COLEC10: variants seen among roughly 807,000 people sequenced by gnomAD.
COLEC10 encodes the protein collectin subfamily member 10, also known as collectin-10.
In COLEC10, 22 loss-of-function variants were observed where a neutral mutation model predicts 28.4. The ratio of observed to expected loss-of-function variants is 0.78; its 90% CI spans 0.55 to 1.11. The LOEUF (loss-of-function observed/expected upper bound fraction) is 1.11, where lower values mean the gene tolerates loss of function less well. COLEC10 is among the 50% of genes least tolerant of loss of function. The pLI is 0.00. For synonymous variants in COLEC10, 125 were observed against 116.1 expected (o/e 1.08, Z -0.49); for missense variants, 361 against 344.1 (o/e 1.05, Z -0.39).
chr8:119,083,296 T>C (rs1815403436), intron 1 of COLEC10, among the ~76,000 whole-genome samples: 1 of 152,212 alleles, frequency 6.6e-6, no homozygotes. Flanking sequence ...AATGATAGTC[T>C]ATCCTCTCTG....
At chr8:119,004,734 T>C (rs992397588) in intron 1 of COLEC10, among the ~76,000 whole-genome samples, 11 of 151,938 alleles carry the variant, frequency 7.2e-5, no homozygotes, top group Admixed American at 5.3e-4. Flanking sequence ...TGTTTCTAAC[T>C]TGTAGTAGGT....
chr8:119,079,760 C>T (rs1485293), intron 1 of COLEC10, among the ~76,000 whole-genome samples: 94,516 of 151,568 alleles, frequency 0.62, 29,938 homozygotes, highest in Middle Eastern at 0.74. Flanking sequence ...CTTGAAATCC[C>T]CAGTTGTTTT....
chr8:119,092,194 C>G (rs62532199), intron 3 of COLEC10, among the ~76,000 whole-genome samples: 1 of 151,350 alleles, frequency 6.6e-6, no homozygotes, highest in African/African-American at 2.4e-5. Context: ...ATCAGCCACC[C>G]GAGTAGCTGG....
chr8:119,010,016 A>T (rs1813876820), intron 2 of COLEC10, among the ~76,000 whole-genome samples: 1 of 150,858 alleles, frequency 6.6e-6, no homozygotes, highest in African/African-American at 2.5e-5. Context: ...TTGACACATC[A>T]TTATTACCCA....
intron 2 of COLEC10, among the ~76,000 whole-genome samples, chr8:119,044,853 A>G (rs1454874157): frequency 6.6e-6 from 1 of 152,074 alleles, no homozygotes; most frequent in Admixed American, 6.5e-5. Context: ...CAAAAAAAAA[A>G]AAAAGAAACC....
At chr8:119,000,077 C>T (rs1436918800) in intron 1 of COLEC10, among the ~76,000 whole-genome samples, 1 of 152,040 alleles carries the variant, frequency 6.6e-6, no homozygotes, top group Non-Finnish European at 1.5e-5. Context: ...GTGCTGATTT[C>T]CTAAAGCAGC....
At chr8:119,069,978 G>C (rs943294689) in intron 1 of COLEC10, among the ~76,000 whole-genome samples, 3 of 152,080 alleles carry the variant, frequency 2.0e-5, no homozygotes, top group African/African-American at 7.2e-5. Flanking sequence ...ATCTGGGAGA[G>C]TGAAAACTAA....
intron 3 of COLEC10, among the ~76,000 whole-genome samples, chr8:119,093,108 TA>T (rs1056092300): frequency 3.9e-5 from 6 of 152,132 alleles, no homozygotes; most frequent in African/African-American, 1.4e-4. Flanking sequence ...ATCCCATGGG[TA>T]ATATAATTTC....
At chr8:118,962,111 C>T in the COLEC10 span, among the ~76,000 whole-genome samples, 1 of 152,156 alleles carries the variant, frequency 6.6e-6, no homozygotes, top group Admixed American at 6.5e-5. Context: ...TTTGCAGTCT[C>T]TTTAGAATCT....
chr8:118,978,114 G>C, the COLEC10 span, among the ~76,000 whole-genome samples: 1 of 152,072 alleles, frequency 6.6e-6, no homozygotes, highest in Admixed American at 6.6e-5. Flanking sequence ...TAAGTTGACA[G>C]GATAGAGCCA....
At chr8:119,020,334 G>C (rs1331804388) in intron 2 of COLEC10, among the ~76,000 whole-genome samples, 2 of 152,090 alleles carry the variant, frequency 1.3e-5, no homozygotes, top group African/African-American at 2.4e-5. Context: ...GAGCCCAACT[G>C]TTTACCAGGT....
chr8:118,982,838 T>C, the COLEC10 span: 4 of 152,276 alleles, frequency 2.6e-5, no homozygotes, highest in African/African-American at 9.6e-5. Context: ...TGTACATCTA[T>C]GTTCCAGTGA....
chr8:119,029,966 T>C (rs1254111764), intron 2 of COLEC10, among the ~76,000 whole-genome samples: 1 of 152,138 alleles, frequency 6.6e-6, no homozygotes, highest in Non-Finnish European at 1.5e-5. Flanking sequence ...CTTAACTATA[T>C]ATGTATGTAG....
chr8:119,009,656 C>T (rs1813869095), intron 2 of COLEC10: 1 of 150,720 alleles, frequency 6.6e-6, no homozygotes, highest in African/African-American at 2.5e-5. Context: ...ATTTGTTGGG[C>T]AGAGCATAAA....
At chr8:119,018,610 A>T (rs1814034637) in intron 2 of COLEC10, among the ~76,000 whole-genome samples, 1 of 152,240 alleles carries the variant, frequency 6.6e-6, no homozygotes, top group Non-Finnish European at 1.5e-5. Context: ...AAAACAAAAA[A>T]TGGATATGTC....
chr8:119,054,301 T>C (rs1341001033), intron 2 of COLEC10, among the ~76,000 whole-genome samples: 2 of 152,124 alleles, frequency 1.3e-5, no homozygotes, highest in East Asian at 1.9e-4. Context: ...ACTGAAACCA[T>C]TGAAAGTGAA....
the COLEC10 span, among the ~76,000 whole-genome samples, chr8:118,971,953 C>T: frequency 1.3e-5 from 2 of 151,996 alleles, no homozygotes; most frequent in Admixed American, 6.6e-5. Context: ...AACCAGACTT[C>T]TAACCTCTAT....
At chr8:119,069,605 CAAAAAAAA>C (rs138362458) in intron 1 of COLEC10, among the ~76,000 whole-genome samples, 1 of 8,798 alleles carries the variant, frequency 1.1e-4, no homozygotes, top group Non-Finnish European at 2.9e-4. Flanking sequence ...GACCCCATCT[CAAAAAAAA>C]AAAAAAAAAA....
At chr8:118,972,136 T>C in the COLEC10 span, among the ~76,000 whole-genome samples, 1 of 151,948 alleles carries the variant, frequency 6.6e-6, no homozygotes, top group African/African-American at 2.4e-5. Flanking sequence ...CCAATTTTTC[T>C]CTTGATGGTC....
Sources: gnomAD v4.1 joint callset for allele counts (sites outside exome capture counted in the v4.1 genomes callset) on GRCh38, gnomAD v4.1.1 for gene constraint, MANE v1.5 for transcripts, NCBI Gene and HGNC (gene_info 2026-07-23, HGNC 2026-07-21) for gene names.